The following WDR7 variants were observed in gnomAD, a reference collection of about 807,000 sequenced individuals.
The protein encoded by WDR7 is WD repeat-containing protein 7.
In WDR7, 46 loss-of-function variants were observed where a neutral mutation model predicts 169.4. That is an observed-to-expected ratio of 0.27 (90% CI 0.21 to 0.35). WDR7 has a LOEUF of 0.35. WDR7 is among the 10% of genes least tolerant of loss of function. The pLI, the probability that WDR7 is intolerant of heterozygous loss-of-function variation, is 1.00. For synonymous variants in WDR7, 612 were observed against 666.8 expected (o/e 0.92, Z 1.27); for missense variants, 1,534 against 1,859.3 (o/e 0.83, Z 3.22).
At position 56,781,644 on chromosome 18, in the gene WDR7, C is replaced by A; in HGVS notation, c.3178C>A (p.His1060Asn). The change falls in exon 19 of 28, where the codon CAC becomes AAC. Residue 1060 changes from histidine (H) to asparagine (N), a missense_variant. Coordinates refer to ENST00000254442, the MANE Select transcript of WDR7 (RefSeq NM_015285.3). Reference sequence around the variant, plus strand: ...TCCTTACTTACCTCAGTACATAGACCACGTCATATCACGTAAGAGTTCTCA... The same window carrying A: ...TCCTTACTTACCTCAGTACATAGACAACGTCATATCACGTAAGAGTTCTCA... ...WAPYLPQYIDHVISPGVTSEA... is the reference protein window; with the variant it reads ...WAPYLPQYIDNVISPGVTSEA... 1 of 1,600,728 alleles carries A rather than the reference C, an allele frequency of 6.2e-7. No individual in the cohort carries two copies. The highest frequency in any genetic ancestry group is 8.5e-7 in the Non-Finnish European group (1 of 1,173,458).
intron 26 of WDR7, among the ~76,000 whole-genome samples, chr18:57,011,950 C>G (rs1233873399): frequency 6.6e-6 from 1 of 152,078 alleles, no homozygotes; most frequent in Non-Finnish European, 1.5e-5. Context: ...ATTTATGGTC[C>G]TTGTAGGAAG....
chr18:56,678,017 T>C (rs908763031), intron 2 of WDR7, among the ~76,000 whole-genome samples: 30 of 152,194 alleles, frequency 2.0e-4, no homozygotes, highest in Admixed American at 2.6e-4. Context: ...TCACTATTTC[T>C]TTTCTCTGCT....
intron 26 of WDR7, among the ~76,000 whole-genome samples, chr18:56,999,489 A>G (rs1009451199): frequency 1.3e-5 from 2 of 152,196 alleles, no homozygotes; most frequent in Non-Finnish European, 1.5e-5. Flanking sequence ...GGTGACTAAA[A>G]TAATAGGAAA....
chr18:56,866,352 T>A (rs543680537), intron 20 of WDR7, among the ~76,000 whole-genome samples: 32 of 152,202 alleles, frequency 2.1e-4, no homozygotes, highest in African/African-American at 7.5e-4. Flanking sequence ...TGTTTTTTTT[T>A]AATGAATCTG....
At chr18:56,871,373 A>G (rs1190285771) in intron 20 of WDR7, among the ~76,000 whole-genome samples, 1 of 152,138 alleles carries the variant, frequency 6.6e-6, no homozygotes, top group Non-Finnish European at 1.5e-5. Flanking sequence ...TAGTCTCTAC[A>G]TGTTGCCATT....
chr18:56,797,906 G>A (rs551816384), intron 19 of WDR7, among the ~76,000 whole-genome samples: 1 of 152,166 alleles, frequency 6.6e-6, no homozygotes, highest in Admixed American at 6.5e-5. Flanking sequence ...CTTCCCTTGG[G>A]CGTTTATAGC....
intron 26 of WDR7, among the ~76,000 whole-genome samples, chr18:56,985,665 TTTGTTTTATA>T (rs1343405493): frequency 6.6e-6 from 1 of 152,056 alleles, no homozygotes; most frequent in East Asian, 1.9e-4. Context: ...AGCATGTATT[TTTGTTTTATA>T]TTGTTTTATA....
chr18:56,988,354 C>T (rs2047755586), intron 26 of WDR7, among the ~76,000 whole-genome samples: 1 of 152,148 alleles, frequency 6.6e-6, no homozygotes, highest in Admixed American at 6.5e-5. Flanking sequence ...CTGTGTGCAG[C>T]ACTCCAGTTG....
rs989171932 is a variant in WDR7, at chr18:56,935,476, G to A, written c.3714-312G>A. ...TTTGAAAATATTCAGCACAATATTC[G>A]TTCTTACCTCATTCTGAGCTTTGTG... On this transcript the variant is annotated intron_variant, in intron 22 of 27. Coordinates refer to ENST00000254442, the MANE Select transcript of WDR7 (RefSeq NM_015285.3). Among the ~76,000 whole-genome samples the A allele has an allele frequency of 8.5e-5, 13 of 152,098 alleles. No homozygotes were observed. In the South Asian group the frequency reaches 2.1e-3, roughly 24 times the overall value.
intron 14 of WDR7, among the ~76,000 whole-genome samples, chr18:56,738,326 T>C (rs968312555): frequency 5.3e-5 from 8 of 152,228 alleles, no homozygotes; most frequent in Non-Finnish European, 1.0e-4. Flanking sequence ...TCCTAGCACA[T>C]TGGGAGGCCG....
intron 20 of WDR7, among the ~76,000 whole-genome samples, chr18:56,817,521 TA>T (rs1470870720): frequency 1.3e-5 from 2 of 152,120 alleles, no homozygotes; most frequent in Non-Finnish European, 2.9e-5. Flanking sequence ...CACTGCTGCC[TA>T]ATATTGCCAG....
chr18:56,820,339 CAAAAAAAAAAA>C (rs386387798), intron 20 of WDR7, among the ~76,000 whole-genome samples: 3 of 42,474 alleles, frequency 7.1e-5, no homozygotes, highest in Admixed American at 4.4e-4. Flanking sequence ...CTGACATTGT[CAAAAAAAAAAA>C]AAAAAAAAAA....
intron 21 of WDR7, among the ~76,000 whole-genome samples, chr18:56,884,861 A>G (rs1398443206): frequency 1.3e-5 from 2 of 152,206 alleles, no homozygotes; most frequent in Non-Finnish European, 2.9e-5. Flanking sequence ...CAATAAAACT[A>G]CAACTAAGGA....
intron 26 of WDR7, among the ~76,000 whole-genome samples, chr18:56,980,775 G>A (rs2047633098): frequency 6.6e-6 from 1 of 152,088 alleles, no homozygotes; most frequent in African/African-American, 2.4e-5. Context: ...AGGCCCTGAG[G>A]TGAGGAAGAT....
At position 56,938,573 on chromosome 18, in the gene WDR7, A is replaced by C. The variant is rs1418130250; in HGVS notation, c.3872A>C (p.Gln1291Pro). Reference sequence around the variant, plus strand: ...GCTCTTGCAGCAAATACCCAATCACAGCAGAATATGCACACAACAACTCTT... The same window carrying C: ...GCTCTTGCAGCAAATACCCAATCACCGCAGAATATGCACACAACAACTCTT... ...HTALAANTQS[Q>P]QNMHTTTLAR... Residue 1291 changes from glutamine to proline, a missense_variant, in exon 24 of 28, where the codon CAG (glutamine) becomes CCG (proline). Transcript: ENST00000254442. 1 of 1,614,024 alleles carries C rather than the reference A, an allele frequency of 6.2e-7. No individual in the cohort carries two copies. Among genetic ancestry groups the C allele is most frequent in the South Asian group, 1.1e-5 (1 of 91,064 alleles).
chr18:56,974,733 T>C (rs1408691113), intron 26 of WDR7, among the ~76,000 whole-genome samples: 1 of 152,198 alleles, frequency 6.6e-6, no homozygotes, highest in African/African-American at 2.4e-5. Context: ...ACCTTCAGCA[T>C]ATGATATCTA....
At chr18:56,938,275 T>C (rs8088697) in intron 23 of WDR7, among the ~76,000 whole-genome samples, 18,107 of 152,236 alleles carry the variant, frequency 0.12, 3,494 homozygotes, top group African/African-American at 0.4. Flanking sequence ...GTCCTCAATA[T>C]GTTTCTTTTT....
chr18:56,910,084 A>C (rs1295351268), intron 21 of WDR7, among the ~76,000 whole-genome samples: 3 of 152,128 alleles, frequency 2.0e-5, no homozygotes, highest in African/African-American at 7.2e-5. Flanking sequence ...CATATCTGAC[A>C]ATTTCTTCCT....
chr18:56,681,739 A>G (rs994276954), intron 4 of WDR7, among the ~76,000 whole-genome samples: 5 of 152,204 alleles, frequency 3.3e-5, no homozygotes, highest in African/African-American at 1.2e-4. Context: ...TTGTGATTCC[A>G]CTTGTGATTG....
Sources: allele counts gnomAD v4.1 joint callset (sites outside exome capture counted in the v4.1 genomes callset), GRCh38; gene constraint gnomAD v4.1.1; transcripts MANE v1.5; gene names NCBI Gene and HGNC (gene_info 2026-07-23, HGNC 2026-07-21).